The following STPG2 variants were observed in gnomAD, a reference collection of about 807,000 sequenced individuals.
STPG2 encodes the protein sperm tail PG-rich repeat containing 2.
Under a neutral mutation model 54.2 loss-of-function variants are expected in STPG2, and 56 were observed. That is an observed-to-expected ratio of 1.03 (90% CI 0.83 to 1.29). The LOEUF is 1.29. Ranked by LOEUF, STPG2 falls within the 50% of genes most tolerant of loss-of-function variation. The probability of loss-of-function intolerance (pLI) is 0.00; values close to 1 mark genes in which losing one functional copy is unlikely to be tolerated. For missense variants in STPG2, 596 were observed against 544.9 expected (o/e 1.09, Z -0.93); for synonymous variants, 200 against 181.8 (o/e 1.10, Z -0.81).
chr4:97,522,899 ATCAT>A (rs1000494095), intron 4 of STPG2, among the ~76,000 whole-genome samples: 7 of 152,078 alleles, frequency 4.6e-5, no homozygotes, highest in African/African-American at 1.7e-4. Flanking sequence ...GAAGAGAATA[ATCAT>A]TCATAAGTCT....
chr4:97,784,624 G>A (rs189150520), intron 9 of STPG2, among the ~76,000 whole-genome samples: 1 of 151,966 alleles, frequency 6.6e-6, no homozygotes, highest in Admixed American at 6.6e-5. Flanking sequence ...TATTGAATCA[G>A]TAGGAATACA....
At chr4:97,985,263 T>C (rs1045337493) in intron 5 of STPG2, among the ~76,000 whole-genome samples, 4 of 152,188 alleles carry the variant, frequency 2.6e-5, no homozygotes, top group Non-Finnish European at 5.9e-5. Context: ...AATTAAAATA[T>C]ATATATTACT....
At chr4:97,924,391 T>C (rs1040130177) in intron 8 of STPG2, among the ~76,000 whole-genome samples, 6 of 152,236 alleles carry the variant, frequency 3.9e-5, no homozygotes, top group African/African-American at 1.4e-4. Flanking sequence ...AATAGGACTT[T>C]TGTCTGCCCC....
intron 8 of STPG2, among the ~76,000 whole-genome samples, chr4:97,900,586 G>T (rs1234287482): frequency 6.6e-6 from 1 of 152,030 alleles, no homozygotes; most frequent in Non-Finnish European, 1.5e-5. Flanking sequence ...GAAATACCAT[G>T]CTGCCATAAG....
chr4:97,574,918 G>A lies in STPG2; in HGVS notation c.1321-15801C>T, dbSNP rs542783574. Among the ~76,000 whole-genome samples, 6 of 151,596 alleles carry A rather than the reference G, an allele frequency of 4.0e-5. No individual in the cohort carries two copies. In the East Asian group the frequency reaches 9.7e-4, roughly 25 times the overall value. On this transcript the variant is annotated intron_variant, in intron 10 of 10. Coordinates refer to ENST00000295268, the MANE Select transcript of STPG2 (RefSeq NM_174952.3). ...AGTTAATCTTCAAAGAAAAAAGAAG[G>A]TCCAAATAAGGACAATCAGAAATGA...
intron 5 of STPG2, among the ~76,000 whole-genome samples, chr4:97,982,963 G>T (rs1431488056): frequency 2.0e-5 from 3 of 152,080 alleles, no homozygotes; most frequent in African/African-American, 7.2e-5. Flanking sequence ...TAAGTACTTA[G>T]CATTCTACTG....
intron 7 of STPG2, among the ~76,000 whole-genome samples, chr4:97,970,655 T>C (rs1224791189): frequency 1.3e-5 from 2 of 152,146 alleles, no homozygotes; most frequent in Non-Finnish European, 2.9e-5. Flanking sequence ...CTACAAAAAT[T>C]AATTCAAGAT....
chr4:98,009,099 C>T (rs1407931851), intron 5 of STPG2, among the ~76,000 whole-genome samples: 2 of 151,472 alleles, frequency 1.3e-5, no homozygotes, highest in East Asian at 3.9e-4. Context: ...TTTCATTTAT[C>T]CTTTCTATTA....
At chr4:97,586,871 C>A (rs1262584401) in intron 10 of STPG2, among the ~76,000 whole-genome samples, 1 of 151,798 alleles carries the variant, frequency 6.6e-6, no homozygotes, top group East Asian at 1.9e-4. Flanking sequence ...CTTGGAGCAT[C>A]GGCAAGGAAG....
intron 9 of STPG2, among the ~76,000 whole-genome samples, chr4:97,750,649 T>C (rs1466017983): frequency 1.3e-5 from 2 of 151,752 alleles, no homozygotes; most frequent in African/African-American, 2.4e-5. Context: ...ATTAGCTTCA[T>C]GTAAATGACT....
chr4:98,070,811 A>C (rs1247994487), intron 5 of STPG2, among the ~76,000 whole-genome samples: 1 of 151,918 alleles, frequency 6.6e-6, no homozygotes, highest in Non-Finnish European at 1.5e-5. Context: ...TAAGAGAAGT[A>C]AAGGACCTCT....
intron 5 of STPG2, among the ~76,000 whole-genome samples, chr4:98,048,088 G>A (rs1737195655): frequency 7.9e-6 from 1 of 127,112 alleles, no homozygotes; most frequent in South Asian, 2.6e-4. Context: ...AGGGACAAAA[G>A]TATGGTTTTT....
chr4:97,933,555 G>A (rs1029109050), intron 8 of STPG2, among the ~76,000 whole-genome samples: 1 of 152,160 alleles, frequency 6.6e-6, no homozygotes, highest in African/African-American at 2.4e-5. Context: ...GTGTAAGGAA[G>A]GGATCCAGTT....
intron 9 of STPG2, among the ~76,000 whole-genome samples, chr4:97,774,047 C>T (rs1049849511): frequency 1.7e-4 from 25 of 150,266 alleles, no homozygotes; most frequent in Non-Finnish European, 3.4e-4. Context: ...GCAATAAATG[C>T]CACAGTGGAC....
At chr4:97,950,573 C>T (rs55956043) in intron 7 of STPG2, among the ~76,000 whole-genome samples, 5 of 151,966 alleles carry the variant, frequency 3.3e-5, no homozygotes, top group Non-Finnish European at 5.9e-5. Context: ...CTTTTGAATT[C>T]GTTTTCTGGT....
chr4:97,629,517 T>G (rs1721191293), intron 10 of STPG2, among the ~76,000 whole-genome samples: 1 of 152,016 alleles, frequency 6.6e-6, no homozygotes, highest in Admixed American at 6.6e-5. Context: ...TTGTGAATCT[T>G]GAACATGCAC....
chr4:97,553,682 C>A (rs995660802), intron 4 of STPG2, among the ~76,000 whole-genome samples: 3 of 152,184 alleles, frequency 2.0e-5, no homozygotes, highest in African/African-American at 7.2e-5. Flanking sequence ...TAGGAAAATC[C>A]TTCTACCTCT....
At chr4:97,756,512 G>A (rs1479776505) in intron 9 of STPG2, among the ~76,000 whole-genome samples, 1 of 151,940 alleles carries the variant, frequency 6.6e-6, no homozygotes, top group South Asian at 2.1e-4. Flanking sequence ...TTTTAGTAGA[G>A]ATGGGGTTGC....
chr4:98,063,658 T>C (rs529694478), intron 5 of STPG2, among the ~76,000 whole-genome samples: 1 of 141,936 alleles, frequency 7.0e-6, no homozygotes, highest in Non-Finnish European at 1.6e-5. Context: ...AATTAAGCAA[T>C]TGGTAAGTAA....
Sources: allele counts gnomAD v4.1 joint callset (sites outside exome capture counted in the v4.1 genomes callset), GRCh38; gene constraint gnomAD v4.1.1; transcripts MANE v1.5; gene names NCBI Gene and HGNC (gene_info 2026-07-23, HGNC 2026-07-21).